Variants in DPYD observed in about 807,000 individuals in gnomAD.
The protein encoded by DPYD is dihydropyrimidine dehydrogenase.
In DPYD, 109 loss-of-function variants were observed where a neutral mutation model predicts 116.2. The ratio of observed to expected loss-of-function variants is 0.94; its 90% CI spans 0.80 to 1.10. The LOEUF is 1.10. Among genes scored for constraint, DPYD ranks in the 50% least tolerant of loss-of-function variants. The pLI, the probability that DPYD is intolerant of heterozygous loss-of-function variation, is 0.00. For synonymous variants in DPYD, 440 were observed against 432.0 expected, an observed-to-expected ratio of 1.02 and a Z score of -0.23; for missense variants, 1,302 against 1,254.5, an observed-to-expected ratio of 1.04 and a Z score of -0.57.
chr1:97,415,140 C>A (rs1429199278), intron 14 of DPYD, among the ~76,000 whole-genome samples: 2 of 149,400 alleles, frequency 1.3e-5, no homozygotes, highest in Non-Finnish European at 3.0e-5. Context: ...CAAAACTCTA[C>A]AAAACCAGAA....
At chr1:97,333,766 C>T (rs1299816166) in intron 16 of DPYD, among the ~76,000 whole-genome samples, 7 of 151,978 alleles carry the variant, frequency 4.6e-5, no homozygotes, top group East Asian at 2.0e-4. Flanking sequence ...GTGATCCACC[C>T]GCCTCGGCCT....
At chr1:97,468,646 A>C (rs1368176621) in intron 13 of DPYD, among the ~76,000 whole-genome samples, 1 of 152,196 alleles carries the variant, frequency 6.6e-6, no homozygotes, top group Non-Finnish European at 1.5e-5. Context: ...GCAATTTACA[A>C]ATGTAAAAAT....
chr1:97,668,008 C>G (rs575565416), intron 8 of DPYD, among the ~76,000 whole-genome samples: 1 of 152,000 alleles, frequency 6.6e-6, no homozygotes, highest in South Asian at 2.1e-4. Flanking sequence ...ATAGAATAGT[C>G]AAATTCATAG....
At chr1:97,840,858 G>A (rs766015192) in intron 2 of DPYD, among the ~76,000 whole-genome samples, 15 of 152,142 alleles carry the variant, frequency 9.9e-5, no homozygotes, top group Non-Finnish European at 1.8e-4. Flanking sequence ...ATATACATAC[G>A]AAGTTTCCAA....
intron 14 of DPYD, among the ~76,000 whole-genome samples, chr1:97,446,268 G>T (rs538305167): frequency 6.6e-6 from 1 of 152,232 alleles, no homozygotes; most frequent in African/African-American, 2.4e-5. Flanking sequence ...GAGATAGTGA[G>T]AATCCTTTGT....
chr1:97,368,348 A>C (rs1041747301), intron 16 of DPYD, among the ~76,000 whole-genome samples: 18 of 152,100 alleles, frequency 1.2e-4, no homozygotes, highest in African/African-American at 3.9e-4. Flanking sequence ...GAATTGGAAA[A>C]TCTTTAAGGT....
intron 14 of DPYD, among the ~76,000 whole-genome samples, chr1:97,443,537 A>G (rs1486405013): frequency 5.9e-5 from 9 of 152,208 alleles, no homozygotes. Context: ...GGACTTGACA[A>G]GCTCAAAAAA....
chr1:97,472,064 C>CA (rs11432017), intron 13 of DPYD, among the ~76,000 whole-genome samples: 26,156 of 152,058 alleles, frequency 0.17, 2,358 homozygotes, highest in African/African-American at 0.19. Flanking sequence ...AAGAGTCATA[C>CA]AAAAAATCTA....
intron 11 of DPYD, among the ~76,000 whole-genome samples, chr1:97,567,322 C>CA (rs1652590419): frequency 6.8e-6 from 1 of 147,890 alleles, no homozygotes; most frequent in Non-Finnish European, 1.5e-5. Context: ...ATTTAAAAAC[C>CA]TTTTTTTTTT....
chr1:97,859,186 T>C (rs1571483554), intron 2 of DPYD, among the ~76,000 whole-genome samples: 1 of 152,322 alleles, frequency 6.6e-6, no homozygotes, highest in African/African-American at 2.4e-5. Flanking sequence ...ATACTCTTTT[T>C]AAATATAAAA....
intron 1 of DPYD, among the ~76,000 whole-genome samples, chr1:97,912,233 T>C (rs995054490): frequency 1.3e-5 from 2 of 152,080 alleles, no homozygotes; most frequent in African/African-American, 4.8e-5. Context: ...TATATATCAT[T>C]GAGCCAACAC....
chr1:97,639,168 T>G (rs1189303055), intron 8 of DPYD, among the ~76,000 whole-genome samples: 1 of 152,090 alleles, frequency 6.6e-6, no homozygotes, highest in Non-Finnish European at 1.5e-5. Flanking sequence ...AGGCACACAG[T>G]TTTAAATAAT....
intron 16 of DPYD, among the ~76,000 whole-genome samples, chr1:97,344,899 G>A (rs927428908): frequency 1.3e-5 from 2 of 151,890 alleles, no homozygotes; most frequent in Non-Finnish European, 2.9e-5. Flanking sequence ...CTTAGATGCT[G>A]CAAAATGCTT....
chr1:97,667,011 TTAAA>T (rs1385505579), intron 8 of DPYD, among the ~76,000 whole-genome samples: 1 of 152,228 alleles, frequency 6.6e-6, no homozygotes, highest in Non-Finnish European at 1.5e-5. Flanking sequence ...ACTCATTTTT[TTAAA>T]TAAAGTTTTA....
chr1:97,373,720 A>C (rs1671432232), intron 15 of DPYD, 76 bp from the exon 16 acceptor site: 1 of 1,276,810 alleles, frequency 7.8e-7, no homozygotes. Context: ...CGTTGATAAC[A>C]CAAGTCACAT....
At chr1:97,685,280 T>C (rs957870465) in intron 7 of DPYD, among the ~76,000 whole-genome samples, 4 of 152,286 alleles carry the variant, frequency 2.6e-5, no homozygotes, top group African/African-American at 9.6e-5. Context: ...AGTCCTTTGA[T>C]AAAATTCAAT....
At chr1:97,373,940 A>G (rs1035205593) in intron 15 of DPYD, among the ~76,000 whole-genome samples, 2 of 152,210 alleles carry the variant, frequency 1.3e-5, no homozygotes, top group African/African-American at 2.4e-5. Context: ...TTATTATGCT[A>G]CCAAGTTTAC....
At chr1:97,707,458 A>C (rs1662040308) in intron 5 of DPYD, among the ~76,000 whole-genome samples, 2 of 93,606 alleles carry the variant, frequency 2.1e-5, no homozygotes, top group Admixed American at 3.3e-4. Flanking sequence ...CCCACCCCAC[A>C]ACAGTCCCCA....
intron 20 of DPYD, among the ~76,000 whole-genome samples, chr1:97,183,875 A>T (rs1297005923): frequency 2.6e-5 from 4 of 152,026 alleles, no homozygotes; most frequent in African/African-American, 9.7e-5. Context: ...TATTAAGCAT[A>T]GTGCCCAGTA....
Sources: gnomAD v4.1 joint callset for allele counts (sites outside exome capture counted in the v4.1 genomes callset) on GRCh38, gnomAD v4.1.1 for gene constraint, MANE v1.5 for transcripts, NCBI Gene and HGNC (gene_info 2026-07-23, HGNC 2026-07-21) for gene names.